Variants in RNF34 observed in about 807,000 individuals in gnomAD.
RNF34 encodes the protein E3 ubiquitin-protein ligase RNF34.
Under a neutral mutation model 37.9 loss-of-function variants are expected in RNF34, and 12 were observed. The ratio of observed to expected loss-of-function variants is 0.32; its 90% CI spans 0.20 to 0.51. The LOEUF (loss-of-function observed/expected upper bound fraction) is 0.51, where lower values mean the gene tolerates loss of function less well. Ranked by LOEUF, RNF34 falls within the 20% of genes least tolerant of loss-of-function variation. The pLI is 0.97. For missense variants in RNF34, 362 were observed against 472.7 expected (o/e 0.77, Z 2.17); for synonymous variants, 155 against 177.2 (o/e 0.87, Z 1.00).
chr12:121,405,793 T>C (rs868921371), intron 1 of RNF34, among the ~76,000 whole-genome samples: 7 of 149,840 alleles, frequency 4.7e-5, no homozygotes, highest in African/African-American at 1.2e-4. Flanking sequence ...CTCTGTCTTA[T>C]TTCTTTTTTT....
At chr12:121,416,516 G>GA in intron 2 of RNF34, 139 bp downstream of exon 2, 1 of 638,798 alleles carries the variant, frequency 1.6e-6, no homozygotes, top group East Asian at 2.8e-5. Context: ...TTTCCATCTA[G>GA]AAAAATACTT....
chr12:121,413,329 A>G (rs1379753724), intron 1 of RNF34, among the ~76,000 whole-genome samples: 2 of 151,330 alleles, frequency 1.3e-5, no homozygotes, highest in Admixed American at 1.3e-4. Flanking sequence ...GCCTGGCCAG[A>G]TTTTCATGCT....
Position 121,423,618 on chromosome 12 carries a change from C to T in RNF34, c.*42C>T. The T allele has an allele frequency of 6.4e-7, 1 of 1,551,908 alleles. No homozygotes were observed. The highest frequency in any genetic ancestry group is 8.8e-7 in the Non-Finnish European group (1 of 1,131,036). On this transcript the variant is annotated 3_prime_UTR_variant, in exon 6 of 6. Transcript: ENST00000361234. This position sits in a 1 kb window ranked among gnomAD's most constrained non-coding sequence, Gnocchi z 4.3. Reference sequence around the variant, plus strand: ...CAGGACAGTCACCCCCAAACTTGACCCCCAACATTTCAATGCACAGAAGGG... The same window carrying T: ...CAGGACAGTCACCCCCAAACTTGACTCCCAACATTTCAATGCACAGAAGGG...
intron 1 of RNF34, chr12:121,404,846 C>T (rs1179524379): frequency 1.3e-5 from 2 of 152,184 alleles, no homozygotes; most frequent in African/African-American, 4.8e-5. Context: ...TTTCTCCCCA[C>T]AGGGATTCTG....
At chr12:121,421,785 C>T (rs1421361893) in intron 5 of RNF34, among the ~76,000 whole-genome samples, 1 of 152,170 alleles carries the variant, frequency 6.6e-6, no homozygotes, top group African/African-American at 2.4e-5. Context: ...GCCACCATGC[C>T]TGACCCTCAG....
intron 3 of RNF34, 170 bp from the exon 4 acceptor site, chr12:121,420,072 A>G (rs1346374022): frequency 1.8e-6 from 1 of 553,354 alleles, no homozygotes; most frequent in Non-Finnish European, 3.3e-6. Flanking sequence ...TAGGTTCTTC[A>G]TGCAATTTTG....
chr12:121,423,557 T>C lies in RNF34; in HGVS notation c.1100T>C (p.Val367Ala). Residue 367 changes from valine to alanine, a missense_variant, in exon 6 of 6, where the codon GTG becomes GCG. Transcript: ENST00000361234. The surrounding 1 kb of genome is among the most constrained non-coding windows in gnomAD (Gnocchi z 4.3). ...PICRQYVVRA[V>A]HVFKS The stretch of plus-strand genomic sequence containing the variant: ...TGCCGGCAGTATGTGGTGCGAGCCG[T>C]GCACGTGTTCAAGTCCTGAAACAGG... 6.2e-6 allele frequency: 10 copies of C among 1,613,720 alleles called. No individual in the cohort carries two copies. The highest frequency in any genetic ancestry group is 8.5e-6 in the Non-Finnish European group (10 of 1,179,710).
chr12:121,402,859 C>T, intron 1 of RNF34: 1 of 1,352,682 alleles, frequency 7.4e-7, no homozygotes, highest in Middle Eastern at 1.9e-4. Flanking sequence ...TCAGTTTGGC[C>T]AATGTCTTGT....
At chr12:121,407,390 G>A (rs1490816766) in intron 1 of RNF34, among the ~76,000 whole-genome samples, 1 of 152,220 alleles carries the variant, frequency 6.6e-6, no homozygotes, top group Non-Finnish European at 1.5e-5. Context: ...TGCAAATTCA[G>A]AAGCCAAAAG....
chr12:121,422,177 T>A (rs1872229686), intron 5 of RNF34, among the ~76,000 whole-genome samples: 1 of 152,262 alleles, frequency 6.6e-6, no homozygotes, highest in African/African-American at 2.4e-5. Context: ...GTTGTTATTA[T>A]GACAGCATGG....
At chr12:121,422,387 G>T (rs1317751651) in intron 5 of RNF34, among the ~76,000 whole-genome samples, 1 of 152,166 alleles carries the variant, frequency 6.6e-6, no homozygotes, top group East Asian at 1.9e-4. Flanking sequence ...AGAGTGGGAA[G>T]GAACCCTCCA....
intron 1 of RNF34, among the ~76,000 whole-genome samples, chr12:121,407,628 C>T (rs550042926): frequency 1.8e-3 from 270 of 152,282 alleles, no homozygotes; most frequent in African/African-American, 6.2e-3. Context: ...GTAGAAGATG[C>T]TTCAATCTTA....
intron 1 of RNF34, among the ~76,000 whole-genome samples, chr12:121,413,509 T>A (rs1871291743): frequency 6.7e-6 from 1 of 149,782 alleles, no homozygotes; most frequent in Non-Finnish European, 1.5e-5. Context: ...CCTCCTGGGT[T>A]CAAGCGATTC....
In RNF34 at chr12:121,420,294, A is replaced by C. The variant is rs1872008160; in HGVS notation, c.686A>C (p.Asp229Ala). Residue 229 changes from aspartate to alanine, a missense_variant, in exon 4 of 6, where the codon GAT becomes GCT. Asp to Ala is a moderately radical substitution (Grantham distance 126). Transcript: ENST00000361234. ...ACAGAAGATGATGATGACGACGATG[A>C]TGAGGATGATGATGATGAAGAAGAA... ...ANTEDDDDDD[D>A]EDDDDEEENA... 6.3e-7 allele frequency: 1 copy of C among 1,588,890 alleles called. No homozygotes were observed. Among genetic ancestry groups the C allele is most frequent in the African/African-American group, 1.4e-5 (1 of 73,946 alleles).
chr12:121,417,084 T>C lies in RNF34; in HGVS notation c.226-420T>C, dbSNP rs1378337551. Among the ~76,000 whole-genome samples the C allele has an allele frequency of 1.3e-5, 2 of 152,222 alleles. No individual in the cohort carries two copies. The highest frequency in any genetic ancestry group is 2.9e-5 in the Non-Finnish European group (2 of 68,040). On this transcript the variant is annotated intron_variant, in intron 2 of 5. Coordinates refer to ENST00000361234, the MANE Select transcript of RNF34 (RefSeq NM_025126.4). This position sits in a 1 kb window ranked among gnomAD's most constrained non-coding sequence, Gnocchi z 5.0. ...TCTTGGATTCACCTTGAGAGATCAG[T>C]TGCCTTTCTCTTTCCCTGTCAGTCT...
chr12:121,406,506 C>T (rs868938280), intron 1 of RNF34, among the ~76,000 whole-genome samples: 4 of 152,112 alleles, frequency 2.6e-5, no homozygotes, highest in Non-Finnish European at 4.4e-5. Flanking sequence ...ACGCTGGTCT[C>T]GAACTCCTGA....
At chr12:121,413,175 G>A (rs1011855487) in intron 1 of RNF34, among the ~76,000 whole-genome samples, 1 of 151,806 alleles carries the variant, frequency 6.6e-6, no homozygotes, top group Non-Finnish European at 1.5e-5. Flanking sequence ...ACAGGCATCT[G>A]CCAATACGCC....
intron 5 of RNF34, among the ~76,000 whole-genome samples, chr12:121,422,332 A>C (rs1423806051): frequency 1.3e-5 from 2 of 152,274 alleles, no homozygotes; most frequent in African/African-American, 2.4e-5. Flanking sequence ...GATTGTTCCC[A>C]TATCCCTGAC....
intron 1 of RNF34, among the ~76,000 whole-genome samples, chr12:121,403,030 T>C (rs1273117032): frequency 6.6e-6 from 1 of 152,186 alleles, no homozygotes; most frequent in Non-Finnish European, 1.5e-5. Context: ...ATATTGTATT[T>C]CAGTTGAAGC....
Sources: allele counts gnomAD v4.1 joint callset (sites outside exome capture counted in the v4.1 genomes callset), GRCh38; gene constraint gnomAD v4.1.1; non-coding constraint Gnocchi (gnomAD v3.1); transcripts MANE v1.5; gene names NCBI Gene and HGNC (gene_info 2026-07-23, HGNC 2026-07-21).